The following DNAAF2 variants were observed in gnomAD, a reference collection of about 807,000 sequenced individuals.
The protein encoded by DNAAF2 is protein kintoun.
DNAAF2 carries 58 observed loss-of-function variants against 48.8 expected under a neutral mutation model. The observed-to-expected ratio is 1.19, with a 90% CI of 0.96 to 1.48. The LOEUF is 1.48. DNAAF2 is among the 40% of genes most tolerant of loss of function. DNAAF2 has a pLI of 0.00. For synonymous variants in DNAAF2, 567 were observed against 481.2 expected, an observed-to-expected ratio of 1.18 and a Z score of -2.33; for missense variants, 1,241 against 1,116.1, an observed-to-expected ratio of 1.11 and a Z score of -1.59.
chr14:49,633,735 G>A lies in DNAAF2; in HGVS notation c.1415C>T (p.Ser472Phe), dbSNP rs760270240. 1.0e-5 allele frequency: 16 copies of A among 1,594,824 alleles called. 1 individual carries two copies. Among genetic ancestry groups the A allele is most frequent in the South Asian group, 2.2e-5 (2 of 89,748 alleles). ...AGAAGAACCCCACGCCAGGCTCCGG[G>A]AGGACAAACAAGGGGAGCCTCCGCC... ...PGGGGSPCLS[S>F]RSLAWGSSAG... Residue 472 changes from serine to phenylalanine, a missense_variant, in exon 1 of 3, where the codon TCC becomes TTC. Transcript: ENST00000298292.
chr14:49,627,057 G>C (rs1883028111), intron 2 of DNAAF2, among the ~76,000 whole-genome samples: 1 of 151,908 alleles, frequency 6.6e-6, no homozygotes, highest in Non-Finnish European at 1.5e-5. Context: ...GCCTGCCTCG[G>C]TCTCCCAAAG....
Position 49,634,822 on chromosome 14 carries a change from C to T in DNAAF2, c.328G>A (p.Asp110Asn), listed in dbSNP as rs774533054. The change falls in exon 1 of 3, where the codon GAC becomes AAC. Residue 110 changes from aspartate (D) to asparagine (N), a missense_variant. Coordinates refer to ENST00000298292, the MANE Select transcript of DNAAF2 (RefSeq NM_018139.3). The part of the protein sequence containing the change: ...APSSRPGSGG[D>N]RGAAPGSHWS... Reference sequence around the variant, plus strand: ...TGGCTGCCAGGAGCTGCGCCCCGGTCGCCACCGGAGCCGGGCCGGCTGCTG... The same window carrying T: ...TGGCTGCCAGGAGCTGCGCCCCGGTTGCCACCGGAGCCGGGCCGGCTGCTG... 3 of 1,547,790 alleles carry T rather than the reference C, an allele frequency of 1.9e-6. No individual in the cohort carries two copies. In the Admixed American group the frequency reaches 5.9e-5, roughly 30 times the overall value.
rs72678082 is a variant in DNAAF2 at position 49,627,272 on chromosome 14, G to A, written c.2007+740C>T. On this transcript the variant is annotated intron_variant, in intron 2 of 2. Transcript: ENST00000298292. ...TGAATTCCTCTAATTTTTCAGAGCC[G>A]CCCTTCTAATACATATGTCTGTCGA... Among the ~76,000 whole-genome samples, 1,235 of 152,158 alleles carry A rather than the reference G, an allele frequency of 8.1e-3. 8 individuals carry two copies. The highest frequency in any genetic ancestry group is 0.013 in the Non-Finnish European group (863 of 67,990).
At position 49,634,065 on chromosome 14, in the gene DNAAF2, G is replaced by GCGA; in HGVS notation, c.1082_1084dup (p.Val361dup). ...CGCGGACTCTTCCGGCGCGGCGGCG[G>GCGA]CGACGGCGACAGCGGGCTCCCGGCG... On this transcript the variant is annotated inframe_insertion, in exon 1 of 3. Coordinates refer to ENST00000298292, the MANE Select transcript of DNAAF2 (RefSeq NM_018139.3). 9 of 1,527,144 alleles carry GCGA rather than the reference G, an allele frequency of 5.9e-6. No individual in the cohort carries two copies. Among genetic ancestry groups the GCGA allele is most frequent in the Non-Finnish European group, 7.9e-6 (9 of 1,140,390 alleles). The allele number at this position is 1,527,144 out of a possible 1,614,324, so 94.6% of individuals were successfully genotyped here. A position where few individuals can be genotyped will look rare whatever the true frequency, so the allele number is the denominator to read the frequency against.
Position 49,634,536 on chromosome 14 carries a change from A to G in DNAAF2, c.614T>C (p.Leu205Pro). Residue 205 changes from leucine to proline, a missense_variant, in exon 1 of 3, where the codon CTG becomes CCG. Coordinates refer to ENST00000298292, the MANE Select transcript of DNAAF2 (RefSeq NM_018139.3). ...AGGCCTTGCGGGGATGACCCCGGGC[A>G]GGGGCGTGCGCAGCACCGCAGCCTC... ...TPEAAVLRTP[L>P]PGVIPARPDG... 1.2e-6 allele frequency: 2 copies of G among 1,602,400 alleles called. No individual in the cohort carries two copies. The highest frequency in any genetic ancestry group is 1.7e-6 in the Non-Finnish European group (2 of 1,179,582).
At chr14:49,630,141 T>G (rs2209417) in intron 1 of DNAAF2, among the ~76,000 whole-genome samples, 98,051 of 151,514 alleles carry the variant, frequency 0.65, 33,711 homozygotes, top group Non-Finnish European at 0.76. Flanking sequence ...TAAGGTGGGA[T>G]GATCGCTTGA....
In DNAAF2 at chr14:49,633,832, A is replaced by G. The variant is rs1883239968; in HGVS notation, c.1318T>C (p.Leu440=). 1 of 1,576,634 alleles carries G rather than the reference A, an allele frequency of 6.3e-7. No homozygotes were observed. The highest frequency in any genetic ancestry group is 8.6e-7 in the Non-Finnish European group (1 of 1,169,342). The change falls in exon 1 of 3, where the codon TTG becomes CTG. Residue 440 remains leucine, a synonymous_variant. Transcript: ENST00000298292. ...GGCGGTGACCCCGCGTGCCTGCTCA[A>G]GTCCTGCTCCCCCGGCTTGGGGACA... ...ERVPKPGEQD[L]SRHAGSPPGS... is the part of the protein sequence containing the mutation.
At chr14:49,630,905 C>T (rs1883144336) in intron 1 of DNAAF2, among the ~76,000 whole-genome samples, 1 of 152,122 alleles carries the variant, frequency 6.6e-6, no homozygotes, top group African/African-American at 2.4e-5. Flanking sequence ...CGTGCACCAC[C>T]ACGCCCAGCT....
At position 49,626,006 on chromosome 14, in the gene DNAAF2, C is replaced by A. The variant is rs1882996313; in HGVS notation, c.2050G>T (p.Glu684Ter). ...SNSDQLQGKE[E>*]RVNEESHLTE... is the part of the protein sequence containing the mutation. ...AGATGACTTTCTTCATTTACTCTTTCCTCCTTTCCTTGTAGCTGATCAGAG... is the reference window on the plus strand; with the variant it reads ...AGATGACTTTCTTCATTTACTCTTTACTCCTTTCCTTGTAGCTGATCAGAG... The change falls in exon 3 of 3, where the codon GAA becomes TAA. Residue 684 changes from glutamate (E) to a stop codon, truncating the protein, a stop_gained. Transcript: ENST00000298292. LOFTEE classifies it low-confidence loss of function (END_TRUNC). 6.3e-7 allele frequency: 1 copy of A among 1,576,180 alleles called. No individual in the cohort carries two copies. Among genetic ancestry groups the A allele is most frequent in the East Asian group, 2.3e-5 (1 of 44,380 alleles).
chr14:49,634,507 C>G lies in DNAAF2; in HGVS notation c.643G>C (p.Gly215Arg). ...LPGVIPARPD[G>R]EPKGPLPDFP... ...TCCGGGAGAGGACCCTTCGGCTCCC[C>G]GTCAGGCCTTGCGGGGATGACCCCG... The change falls in exon 1 of 3, where the codon GGG (glycine) becomes CGG (arginine). Residue 215 changes from glycine to arginine, a missense_variant. Gly to Arg is a moderately radical substitution (Grantham distance 125, BLOSUM62 -2). Coordinates refer to ENST00000298292, the MANE Select transcript of DNAAF2 (RefSeq NM_018139.3). 3.1e-6 allele frequency: 5 copies of G among 1,598,314 alleles called. No homozygotes were observed. The highest frequency in any genetic ancestry group is 1.7e-4 in the Middle Eastern group (1 of 6,012).
chr14:49,633,919 C>T lies in DNAAF2; in HGVS notation c.1231G>A (p.Gly411Arg), dbSNP rs1883243941. The T allele has an allele frequency of 1.3e-6, 2 of 1,532,418 alleles. No homozygotes were observed. Among genetic ancestry groups the T allele is most frequent in the Non-Finnish European group, 1.7e-6 (2 of 1,145,458 alleles). 94.9% of individuals were successfully genotyped at this position (1,532,418 alleles called of 1,614,324 possible). ...TCCGGGTCGCCCAGGGTGGTGACCC[C>T]GGAGCCCGCAGCCCCAGCCACGCAG... ...DTCVAGAAGSGVTTLGDPEVA... is the reference protein window; with the variant it reads ...DTCVAGAAGSRVTTLGDPEVA... Residue 411 changes from glycine (G) to arginine (R), a missense_variant, in exon 1 of 3, where the codon GGG (glycine) becomes AGG (arginine). By Grantham distance (125) the Gly-to-Arg change is moderately radical (BLOSUM62 -2). Transcript: ENST00000298292.
rs930599651 is a variant in DNAAF2, at chr14:49,634,124, C to T, written c.1026G>A (p.Leu342=). The change falls in exon 1 of 3, where the codon CTG becomes CTA. Residue 342 remains leucine, a synonymous_variant. Transcript: ENST00000298292. The part of the protein sequence containing the change: ...KAQFNKARRQ[L]VVTLPVVLPA... Reference sequence around the variant, plus strand: ...GCAGCACCACTGGCAGCGTAACCACCAGCTGCCGCCGGGCCTTGTTGAATT... The same window carrying T: ...GCAGCACCACTGGCAGCGTAACCACTAGCTGCCGCCGGGCCTTGTTGAATT... The T allele has an allele frequency of 6.4e-7, 1 of 1,559,144 alleles. No homozygotes were observed. Among genetic ancestry groups the T allele is most frequent in the Admixed American group, 1.9e-5 (1 of 51,600 alleles).
At chr14:49,626,304 A>G (rs1883005092) in intron 2 of DNAAF2, among the ~76,000 whole-genome samples, 1 of 152,056 alleles carries the variant, frequency 6.6e-6, no homozygotes. Flanking sequence ...CTTGGCCAAC[A>G]TGGCGAAACC....
At chr14:49,633,033 T>C (rs1197670647) in intron 1 of DNAAF2, among the ~76,000 whole-genome samples, 9 of 152,034 alleles carry the variant, frequency 5.9e-5, no homozygotes, top group African/African-American at 2.2e-4. Flanking sequence ...GCGATTCTCC[T>C]GCCTCAGCCT....
rs1165216735 is a variant in DNAAF2 at position 49,625,991 on chromosome 14, C to T, written c.2065G>A (p.Glu689Lys). 6.3e-7 allele frequency: 1 copy of T among 1,592,506 alleles called. No homozygotes were observed. The highest frequency in any genetic ancestry group is 1.2e-5 in the South Asian group (1 of 85,328). Residue 689 changes from glutamate (E) to lysine (K), a missense_variant, in exon 3 of 3, where the codon GAA becomes AAA. By Grantham distance (56) the Glu-to-Lys change is moderately conservative. Transcript: ENST00000298292. ...LQGKEERVNEESHLTEKEYIE... is the reference protein window; with the variant it reads ...LQGKEERVNEKSHLTEKEYIE... Reference sequence around the variant, plus strand: ...TATTCCTTTTCAGTTAGATGACTTTCTTCATTTACTCTTTCCTCCTTTCCT... The same window carrying T: ...TATTCCTTTTCAGTTAGATGACTTTTTTCATTTACTCTTTCCTCCTTTCCT...
In DNAAF2 at chr14:49,634,296, A is replaced by G. The variant is rs1190455692; in HGVS notation, c.854T>C (p.Ile285Thr). ...GCGCAACAGCGGCAGTTCGATGGTG[A>G]TCACCAGCTCATGGGGCACGGGGCT... is the stretch of plus-strand genomic sequence containing the variant. ...APSPVPHELVITIELPLLRSA... is the reference protein window; with the variant it reads ...APSPVPHELVTTIELPLLRSA... Residue 285 changes from isoleucine to threonine, a missense_variant, in exon 1 of 3, where the codon ATC becomes ACC. By Grantham distance (89) the Ile-to-Thr change is moderately conservative. Transcript: ENST00000298292. 5 of 1,611,950 alleles carry G rather than the reference A, an allele frequency of 3.1e-6. No individual in the cohort carries two copies. Among genetic ancestry groups the G allele is most frequent in the Non-Finnish European group, 4.2e-6 (5 of 1,179,766 alleles).
Position 49,633,645 on chromosome 14 carries a change from C to A in DNAAF2, c.1505G>T (p.Gly502Val). Residue 502 changes from glycine (G) to valine (V), a missense_variant, in exon 1 of 3, where the codon GGC becomes GTC. Transcript: ENST00000298292. ...VETREESEGT[G>V]GQRSACAMGG... Reference sequence around the variant, plus strand: ...CATGGCGCAGGCTGAGCGCTGGCCGCCCGTGCCCTCCGACTCCTCGCGTGT... The same window carrying A: ...CATGGCGCAGGCTGAGCGCTGGCCGACCGTGCCCTCCGACTCCTCGCGTGT... 1 of 1,612,736 alleles carries A rather than the reference C, an allele frequency of 6.2e-7. No individual in the cohort carries two copies. The highest frequency in any genetic ancestry group is 1.3e-5 in the African/African-American group (1 of 75,014).
intron 2 of DNAAF2, 79 bp downstream of exon 2, chr14:49,627,933 G>T: frequency 2.2e-6 from 3 of 1,334,258 alleles, no homozygotes; most frequent in East Asian, 2.8e-5. Context: ...TTAAAGTTAT[G>T]ATATTAAGAA....
In DNAAF2 at chr14:49,633,518, C is replaced by T. The variant is rs764687085; in HGVS notation, c.1632G>A (p.Gln544=). 1 of 1,614,050 alleles carries T rather than the reference C, an allele frequency of 6.2e-7. No homozygotes were observed. Among genetic ancestry groups the T allele is most frequent in the South Asian group, 1.1e-5 (1 of 91,088 alleles). The change falls in exon 1 of 3, where the codon CAG becomes CAA. Residue 544 remains glutamine (Q), a synonymous_variant. Transcript: ENST00000298292. ...LTLLIQVPRI[Q]PQSLQGDLNP... ...TCAAATCTCCTTGAAGACTTTGCGG[C>T]TGGATCCGAGGCACCTGAATGAGCA...
Sources: allele counts gnomAD v4.1 joint callset (sites outside exome capture counted in the v4.1 genomes callset), GRCh38; gene constraint gnomAD v4.1.1; transcripts MANE v1.5; gene names NCBI Gene and HGNC (gene_info 2026-07-23, HGNC 2026-07-21).